MYH11: variants seen among roughly 807,000 people sequenced by gnomAD.
The protein encoded by MYH11 is myosin-11.
Under a neutral mutation model 246.6 loss-of-function variants are expected in MYH11, and 80 were observed. The observed-to-expected ratio is 0.32, with a 90% CI of 0.27 to 0.39. MYH11 has a LOEUF of 0.39. Ranked by LOEUF, MYH11 falls within the 10% of genes least tolerant of loss-of-function variation. The pLI is 1.00. For missense variants in MYH11, 2,158 were observed against 2,546.8 expected (o/e 0.85, Z 3.29); for synonymous variants, 1,071 against 1,015.5 (o/e 1.05, Z -1.04).
chr16:15,760,636 G>A lies in MYH11; in HGVS notation c.1152C>T (p.Leu384=). The A allele has an allele frequency of 1.9e-6, 3 of 1,613,686 alleles. No homozygotes were observed. The highest frequency in any genetic ancestry group is 2.5e-6 in the Non-Finnish European group (3 of 1,179,584). ...DNTAAQKVCH[L]MGINVTDFTR... ...TGAAATCTGTCACATTAATTCCCATGAGGTGGCAAACTTTCTGAGCAGCTG... is the reference window on the plus strand; with the variant it reads ...TGAAATCTGTCACATTAATTCCCATAAGGTGGCAAACTTTCTGAGCAGCTG... Residue 384 remains leucine (L), a synonymous_variant, in exon 11 of 41, where the codon CTC becomes CTT. Coordinates refer to ENST00000300036, the MANE Select transcript of MYH11 (RefSeq NM_002474.3).
intron 4 of MYH11, among the ~76,000 whole-genome samples, chr16:15,788,095 T>TTTTTTTTTTTGTTTTTTTTTTTTTTA (rs11273419): frequency 1.0e-5 from 1 of 99,488 alleles, no homozygotes; most frequent in Non-Finnish European, 2.1e-5. Context: ...TTTTTTTTTT[T>TTTTTTTTTTTGTTTTTTTTTTTTTTA]ACCAAGATGG....
chr16:15,708,036 G>A (rs1442882795), intron 40 of MYH11, among the ~76,000 whole-genome samples: 3 of 151,234 alleles, frequency 2.0e-5, no homozygotes. Flanking sequence ...GGCCCTGTGT[G>A]CATCCTTGAG....
chr16:15,789,426 G>A (rs1043203674), intron 4 of MYH11, among the ~76,000 whole-genome samples: 1 of 152,136 alleles, frequency 6.6e-6, no homozygotes, highest in Non-Finnish European at 1.5e-5. Context: ...GGGAAACTGA[G>A]GCAAAGAGAG....
chr16:15,725,516 G>T (rs914895753), intron 28 of MYH11: 1 of 420,158 alleles, frequency 2.4e-6, no homozygotes. Context: ...CGTCCTCTCT[G>T]TATTCTCTGG....
Position 15,753,428 on chromosome 16 carries a change from G to A in MYH11, c.1830C>T (p.Ser610=), listed in dbSNP as rs765680882. The A allele has an allele frequency of 3.1e-6, 5 of 1,614,038 alleles. No homozygotes were observed. Among genetic ancestry groups the A allele is most frequent in the South Asian group, 1.1e-5 (1 of 91,074 alleles). ...ACAGGTCGGCCACAAACTTGTCGGA[G>A]GAGGCATTGAGCAGGGAAGTCACGT... ...NDNVTSLLNA[S]SDKFVADLWK... is the part of the protein sequence containing the mutation. The change falls in exon 15 of 41, where the codon TCC becomes TCT. Residue 610 remains serine (S), a synonymous_variant. Transcript: ENST00000300036.
chr16:15,776,148 G>A lies in MYH11; in HGVS notation c.819C>T (p.Arg273=), dbSNP rs1176147487. 3 of 1,614,018 alleles carry A rather than the reference G, an allele frequency of 1.9e-6. No homozygotes were observed. Among genetic ancestry groups the A allele is most frequent in the Non-Finnish European group, 2.5e-6 (3 of 1,179,916 alleles). ...GGAATGTCCTCTCGTCTCTGGCTTG[G>A]CGAATTGCCCGTGATTTTTCTAGCA... ...TYLLEKSRAI[R]QARDERTFHI... The change falls in exon 8 of 41, where the codon CGC becomes CGT. Residue 273 remains arginine, a synonymous_variant. Coordinates refer to ENST00000300036, the MANE Select transcript of MYH11 (RefSeq NM_002474.3).
At chr16:15,717,706 G>A (rs994256133) in intron 37 of MYH11, 19 of 363,052 alleles carry the variant, frequency 5.2e-5, no homozygotes, top group African/African-American at 2.7e-4. Flanking sequence ...TGAAGCAGGA[G>A]AATCCCTTGA....
intron 1 of MYH11, among the ~76,000 whole-genome samples, chr16:15,843,083 T>A (rs963380514): frequency 6.6e-5 from 10 of 152,122 alleles, no homozygotes; most frequent in Admixed American, 3.9e-4. Flanking sequence ...TAATAGTGGG[T>A]CTCAAGCTGG....
At chr16:15,728,638 G>A (rs539333998) in intron 27 of MYH11, among the ~76,000 whole-genome samples, 4 of 152,242 alleles carry the variant, frequency 2.6e-5, no homozygotes, top group Admixed American at 2.6e-4. Context: ...GGTGGCTCAG[G>A]CCTAGAATCC....
chr16:15,724,317 G>A lies in MYH11; in HGVS notation c.4209C>T (p.Asn1403=), dbSNP rs760868182. The change falls in exon 31 of 41, where the codon AAC becomes AAT. Residue 1403 remains asparagine, a synonymous_variant. Transcript: ENST00000300036. ...CCTTCTCCTCGTACTGCTGGGTGAG[G>A]TTCTCGATCTCCTTCTGGAACCTCT... ...GKKRFQKEIE[N]LTQQYEEKAA... is the part of the protein sequence containing the mutation. 4 of 1,614,116 alleles carry A rather than the reference G, an allele frequency of 2.5e-6. No homozygotes were observed. The South Asian group carries it at 4.4e-5, about 18-fold the overall frequency.
chr16:15,789,000 G>A (rs72772064), intron 4 of MYH11, among the ~76,000 whole-genome samples: 22,307 of 151,932 alleles, frequency 0.15, 1,871 homozygotes, highest in South Asian at 0.31. Flanking sequence ...AAGAATTGGC[G>A]TTTGTCATTG....
At chr16:15,826,525 G>A (rs1239023440) in intron 2 of MYH11, among the ~76,000 whole-genome samples, 1 of 151,850 alleles carries the variant, frequency 6.6e-6, no homozygotes, top group Non-Finnish European at 1.5e-5. Context: ...GGAGGTTGAG[G>A]TTGCAGTAAG....
In MYH11 at chr16:15,703,582, T is replaced by C; in HGVS notation, c.*409A>G. 2 of 372,784 alleles carry C rather than the reference T, an allele frequency of 5.4e-6. No homozygotes were observed. The highest frequency in any genetic ancestry group is 4.3e-5 in the Admixed American group (1 of 23,474). 23.1% of individuals were successfully genotyped at this position (372,784 alleles called of 1,614,324 possible). ...TCAATTTTTACCTTGAATACAGGGGTAGTAGGGGTGGTGGTGGTGGTGGTG... is the reference window on the plus strand; with the variant it reads ...TCAATTTTTACCTTGAATACAGGGGCAGTAGGGGTGGTGGTGGTGGTGGTG... On this transcript the variant is annotated 3_prime_UTR_variant, in exon 41 of 41. Coordinates refer to ENST00000300036, the MANE Select transcript of MYH11 (RefSeq NM_002474.3).
Position 15,721,521 on chromosome 16 carries a change from T to G in MYH11, c.4479A>C (p.Glu1493Asp), listed in dbSNP as rs755712100. The change falls in exon 32 of 41, where the codon GAA becomes GAC. Residue 1493 changes from glutamate to aspartate, a missense_variant. By Grantham distance (45) the Glu-to-Asp change is conservative (BLOSUM62 2). Transcript: ENST00000300036. ...GTTCCTCTTTGGCTTCCAAGGCCTC[T>G]TCAAGGGCCCGAGCCAGGGACAGGG... ...TKALSLARAL[E>D]EALEAKEELE... 2.5e-6 allele frequency: 4 copies of G among 1,614,226 alleles called. No homozygotes were observed. Among genetic ancestry groups the G allele is most frequent in the Non-Finnish European group, 3.4e-6 (4 of 1,180,046 alleles).
At chr16:15,734,139 T>C (rs1247210016) in intron 26 of MYH11, among the ~76,000 whole-genome samples, 1 of 152,216 alleles carries the variant, frequency 6.6e-6, no homozygotes, top group South Asian at 2.1e-4. Context: ...GAATCTTCAA[T>C]TGAAAACCAA....
At chr16:15,756,919 C>T (rs2041738401) in intron 13 of MYH11, among the ~76,000 whole-genome samples, 3 of 151,046 alleles carry the variant, frequency 2.0e-5, no homozygotes. Flanking sequence ...CTGCCTCAGC[C>T]TCCCGAGTAG....
intron 4 of MYH11, among the ~76,000 whole-genome samples, chr16:15,790,569 G>A (rs968602946): frequency 1.3e-5 from 2 of 152,178 alleles, no homozygotes; most frequent in Non-Finnish European, 2.9e-5. Context: ...TGTGCTTAGA[G>A]CTGGTTCTAG....
intron 2 of MYH11, among the ~76,000 whole-genome samples, chr16:15,829,033 A>C (rs1201009367): frequency 2.6e-5 from 4 of 151,854 alleles, no homozygotes; most frequent in Admixed American, 1.3e-4. Flanking sequence ...AAAATACAAA[A>C]ATTAGCTGGG....
intron 38 of MYH11, among the ~76,000 whole-genome samples, chr16:15,715,944 G>A (rs1288893589): frequency 1.3e-5 from 2 of 152,100 alleles, no homozygotes; most frequent in Admixed American, 1.3e-4. Context: ...TGGCCAACAT[G>A]GTGAAACCCC....
Sources: gnomAD v4.1 joint callset for allele counts (sites outside exome capture counted in the v4.1 genomes callset) on GRCh38, gnomAD v4.1.1 for gene constraint, MANE v1.5 for transcripts, NCBI Gene and HGNC (gene_info 2026-07-23, HGNC 2026-07-21) for gene names.